Variants in ZGPAT observed in about 807,000 individuals in gnomAD.
The protein encoded by ZGPAT is zinc finger CCCH-type and G-patch domain containing.
ZGPAT carries 39 observed loss-of-function variants against 47.9 expected under a neutral mutation model. The ratio of observed to expected loss-of-function variants is 0.81; its 90% CI spans 0.63 to 1.06. The LOEUF (loss-of-function observed/expected upper bound fraction) is 1.06, where lower values mean the gene tolerates loss of function less well. Ranked by LOEUF, ZGPAT falls within the 50% of genes least tolerant of loss-of-function variation. The probability of loss-of-function intolerance (pLI) is 0.00; values close to 1 mark genes in which losing one functional copy is unlikely to be tolerated. For missense variants in ZGPAT, 717 were observed against 681.4 expected, an observed-to-expected ratio of 1.05 and a Z score of -0.58; for synonymous variants, 348 against 292.9, an observed-to-expected ratio of 1.19 and a Z score of -1.92.
intron 2 of ZGPAT, among the ~76,000 whole-genome samples, chr20:63,726,027 C>T (rs939111815): frequency 1.3e-5 from 2 of 151,224 alleles, no homozygotes; most frequent in Admixed American, 6.6e-5. Context: ...ATAGTAGAGA[C>T]GAGGTTTCAC....
At chr20:63,723,727 A>G (rs2091814804) in intron 2 of ZGPAT, among the ~76,000 whole-genome samples, 2 of 152,218 alleles carry the variant, frequency 1.3e-5, no homozygotes, top group Admixed American at 6.5e-5. Flanking sequence ...ACATTTATGT[A>G]TGTTATAACT....
At chr20:63,715,766 A>G (rs1601322071) in intron 2 of ZGPAT, among the ~76,000 whole-genome samples, 1 of 152,032 alleles carries the variant, frequency 6.6e-6, no homozygotes, top group Non-Finnish European at 1.5e-5. Context: ...GTAAAAAGGG[A>G]TTGGTGTTAA....
In ZGPAT at chr20:63,718,931, T is replaced by G. The variant is rs1277019571; in HGVS notation, c.584+9767T>G. Reference sequence around the variant, plus strand: ...AATACAAAAAATTAACCAGGTGTGGTGGCAGGTGCCTGTAGTCCCAGCTAC... The same window carrying G: ...AATACAAAAAATTAACCAGGTGTGGGGGCAGGTGCCTGTAGTCCCAGCTAC... On this transcript the variant is annotated intron_variant, in intron 2 of 6. Coordinates refer to ENST00000355969, the MANE Select transcript of ZGPAT (RefSeq NM_181485.3). 2.0e-5 allele frequency among the ~76,000 whole-genome samples: 3 copies of G among 152,168 alleles called. No individual in the cohort carries two copies. In the East Asian group the frequency reaches 5.8e-4, roughly 30 times the overall value.
At chr20:63,710,549 G>A (rs1048352755) in intron 2 of ZGPAT, among the ~76,000 whole-genome samples, 2 of 152,132 alleles carry the variant, frequency 1.3e-5, no homozygotes, top group African/African-American at 2.4e-5. Flanking sequence ...CATAATCACC[G>A]CCCACGGTCC....
At chr20:63,734,851 G>T in intron 5 of ZGPAT, 27 bp downstream of exon 5, 2 of 1,550,994 alleles carry the variant, frequency 1.3e-6, no homozygotes, top group Non-Finnish European at 8.7e-7. Context: ...CTGGAGAAGT[G>T]GGCAGGCTGC....
At chr20:63,733,427 C>G (rs2091943928) in intron 3 of ZGPAT, 75 bp downstream of exon 3, 23 of 1,598,402 alleles carry the variant, frequency 1.4e-5, no homozygotes, top group Non-Finnish European at 2.0e-5. Flanking sequence ...TGGCTGCTCC[C>G]TGCTTCCTTT....
chr20:63,713,563 G>A (rs930923331), intron 2 of ZGPAT, among the ~76,000 whole-genome samples: 32 of 150,504 alleles, frequency 2.1e-4, no homozygotes, highest in African/African-American at 7.6e-4. Context: ...TTTTCAGGCT[G>A]TTTGTTGCTA....
chr20:63,724,804 G>T (rs916853725), intron 2 of ZGPAT, among the ~76,000 whole-genome samples: 13 of 151,106 alleles, frequency 8.6e-5, no homozygotes, highest in African/African-American at 3.2e-4. Flanking sequence ...CTCCCAAGTA[G>T]CTGAGACTGC....
At chr20:63,727,901 G>T (rs781124898) in intron 2 of ZGPAT, among the ~76,000 whole-genome samples, 2 of 151,950 alleles carry the variant, frequency 1.3e-5, no homozygotes, top group Non-Finnish European at 2.9e-5. Flanking sequence ...CATTTCAGAT[G>T]ATCTATGTCT....
chr20:63,720,052 G>T (rs1203250676), intron 2 of ZGPAT, among the ~76,000 whole-genome samples: 1 of 150,856 alleles, frequency 6.6e-6, no homozygotes, highest in Admixed American at 6.6e-5. Flanking sequence ...TCTTTTTTTA[G>T]TGTATTTAAG....
rs139922283 is a variant in ZGPAT at position 63,708,782 on chromosome 20, G to A, written c.202G>A (p.Glu68Lys). The A allele has an allele frequency of 3.0e-5, 48 of 1,607,580 alleles. No homozygotes were observed. In the African/African-American group the frequency reaches 6.0e-4, roughly 20 times the overall value. Residue 68 changes from glutamate to lysine, a missense_variant, in exon 2 of 7, where the codon GAA becomes AAA. By Grantham distance (56) the Glu-to-Lys change is moderately conservative. Transcript: ENST00000355969. ...RKSSLLAALD[E>K]ERPGRQEDAE... ...GAGCAGCTTGTTGGCCGCGCTGGAC[G>A]AAGAGCGCCCGGGCCGCCAGGAAGA...
chr20:63,734,529 C>G, intron 4 of ZGPAT, 176 bp from the exon 5 acceptor site: 5 of 1,276,472 alleles, frequency 3.9e-6, no homozygotes, highest in Admixed American at 2.4e-5. Flanking sequence ...GCACGGAGCC[C>G]AAGAGGTGGG....
In ZGPAT at chr20:63,735,177, A is replaced by G; in HGVS notation, c.1010A>G (p.Glu337Gly). The change falls in exon 6 of 7, where the codon GAA (glutamate) becomes GGA (glycine). Residue 337 changes from glutamate to glycine, a missense_variant. Physicochemically the swap from Glu to Gly is moderately conservative, Grantham distance 98 (BLOSUM62 -2). Transcript: ENST00000355969. ...TCCGCAGGTTTGGGCCGACACGCGG[A>G]AGGCCGGGTGGAGCCCATCCATGCT... ...EFGKGLGRHA[E>G]GRVEPIHAVV... 1 of 1,519,800 alleles carries G rather than the reference A, an allele frequency of 6.6e-7. No homozygotes were observed. Among genetic ancestry groups the G allele is most frequent in the South Asian group, 1.3e-5 (1 of 76,560 alleles). 94.1% of individuals were successfully genotyped at this position (1,519,800 alleles called of 1,614,324 possible).
intron 2 of ZGPAT, among the ~76,000 whole-genome samples, chr20:63,729,031 T>C (rs1338862323): frequency 6.7e-6 from 1 of 150,188 alleles, no homozygotes; most frequent in Non-Finnish European, 1.5e-5. Flanking sequence ...TTTTTCTTTT[T>C]TTCTTTTTTT....
intron 2 of ZGPAT, among the ~76,000 whole-genome samples, chr20:63,729,385 T>G (rs1601338796): frequency 6.6e-6 from 1 of 152,220 alleles, no homozygotes; most frequent in Non-Finnish European, 1.5e-5. Flanking sequence ...AGAAGCTTCT[T>G]TTAGTTTTAG....
intron 5 of ZGPAT, 148 bp downstream of exon 5, chr20:63,734,972 G>C (rs1023566994): frequency 7.5e-7 from 1 of 1,325,394 alleles, no homozygotes; most frequent in Non-Finnish European, 1.0e-6. Context: ...TCAGATTCCC[G>C]GGGTCCCGCG....
chr20:63,712,184 G>A (rs1307361894), intron 2 of ZGPAT, among the ~76,000 whole-genome samples: 1 of 152,136 alleles, frequency 6.6e-6, no homozygotes, highest in East Asian at 1.9e-4. Flanking sequence ...TTTTGTATAT[G>A]TTATTAGGTG....
At chr20:63,731,290 G>A (rs1280020471) in intron 2 of ZGPAT, among the ~76,000 whole-genome samples, 3 of 142,672 alleles carry the variant, frequency 2.1e-5, no homozygotes, top group Non-Finnish European at 4.7e-5. Flanking sequence ...TGTGATGTGT[G>A]TGAGACTGTG....
chr20:63,721,307 G>C (rs1371162928), intron 2 of ZGPAT, among the ~76,000 whole-genome samples: 2 of 151,062 alleles, frequency 1.3e-5, no homozygotes, highest in African/African-American at 4.9e-5. Flanking sequence ...AGCTGAGATT[G>C]CGCCATTGCA....
Sources: gnomAD v4.1 joint callset for allele counts (sites outside exome capture counted in the v4.1 genomes callset) on GRCh38, gnomAD v4.1.1 for gene constraint, MANE v1.5 for transcripts, NCBI Gene and HGNC (gene_info 2026-07-23, HGNC 2026-07-21) for gene names.